Variants in KAZN observed in about 807,000 individuals in gnomAD.
The protein encoded by KAZN is kazrin.
A neutral mutation model predicts 87.4 loss-of-function variants in KAZN; 40 were observed. The ratio of observed to expected loss-of-function variants is 0.46; its 90% CI spans 0.36 to 0.60. KAZN has a LOEUF of 0.60. Among genes scored for constraint, KAZN ranks in the 20% least tolerant of loss-of-function variants. The probability of loss-of-function intolerance (pLI) is 0.00; values close to 1 mark genes in which losing one functional copy is unlikely to be tolerated. For synonymous variants in KAZN, 466 were observed against 458.3 expected (o/e 1.02, Z -0.22); for missense variants, 898 against 1,073.9 (o/e 0.84, Z 2.29).
chr1:14,842,193 T>G (rs1648100401), intron 1 of KAZN, among the ~76,000 whole-genome samples: 1 of 152,230 alleles, frequency 6.6e-6, no homozygotes, highest in South Asian at 2.1e-4. Flanking sequence ...TTTTCATGTT[T>G]TGTTCACTCT....
intron 1 of KAZN, among the ~76,000 whole-genome samples, chr1:13,939,595 C>T (rs12723993): frequency 0.034 from 5,146 of 152,300 alleles, 116 homozygotes; most frequent in Middle Eastern, 0.075. Flanking sequence ...AATCTCTGCC[C>T]GTTACCCAGT....
At chr1:14,693,474 G>C (rs74058795) in intron 1 of KAZN, among the ~76,000 whole-genome samples, 3 of 152,136 alleles carry the variant, frequency 2.0e-5, no homozygotes, top group African/African-American at 7.2e-5. Context: ...AGCTCATGCT[G>C]GACTCGTCTT....
rs1651477402 is a variant in KAZN, at chr1:14,266,424, AT to A, written c.249+85836del. Among the ~76,000 whole-genome samples the A allele has an allele frequency of 2.6e-5, 4 of 152,334 alleles. No individual in the cohort carries two copies. The South Asian group carries it at 8.3e-4, about 32-fold the overall frequency. On this transcript the variant is annotated intron_variant, in intron 2 of 16. Transcript: ENST00000636203. Reference sequence around the variant, plus strand: ...ACATTGATGATGTATATGGAAACTAATTTTACCACACGCTAATTGATACAAA... The same window carrying A: ...ACATTGATGATGTATATGGAAACTAATTTACCACACGCTAATTGATACAAA...
chr1:14,289,946 G>A lies in KAZN; in HGVS notation c.249+109354G>A, dbSNP rs189213798. Among the ~76,000 whole-genome samples the A allele has an allele frequency of 1.4e-3, 209 of 152,258 alleles. 1 individual carries two copies. Among genetic ancestry groups the A allele is most frequent in the Non-Finnish European group, 2.2e-3 (148 of 68,026 alleles). On this transcript the variant is annotated intron_variant, in intron 2 of 16. Transcript: ENST00000636203. ...CTCCTTCACTTATGAAGCTTAGTTTGGCTGGATATGAAATTCTGGATTGAA... is the reference window on the plus strand; with the variant it reads ...CTCCTTCACTTATGAAGCTTAGTTTAGCTGGATATGAAATTCTGGATTGAA...
intron 1 of KAZN, among the ~76,000 whole-genome samples, chr1:14,101,574 G>A (rs901395557): frequency 6.6e-6 from 1 of 152,170 alleles, no homozygotes; most frequent in African/African-American, 2.4e-5. Context: ...AAGTGAAGGT[G>A]TCGTGGATCA....
At chr1:14,061,718 C>T (rs1005643013) in intron 1 of KAZN, among the ~76,000 whole-genome samples, 2 of 152,188 alleles carry the variant, frequency 1.3e-5, no homozygotes, top group South Asian at 4.1e-4. Flanking sequence ...TAGCCCTGTG[C>T]TTGGTATACA....
chr1:14,581,625 G>T (rs1187361151), intron 2 of KAZN, among the ~76,000 whole-genome samples: 1 of 152,112 alleles, frequency 6.6e-6, no homozygotes, highest in Non-Finnish European at 1.5e-5. Context: ...GTCCCTACAA[G>T]ACCTCACAGT....
At chr1:14,951,275 C>T (rs1662451168) in intron 1 of KAZN, among the ~76,000 whole-genome samples, 1 of 152,100 alleles carries the variant, frequency 6.6e-6, no homozygotes, top group Admixed American at 6.5e-5. Flanking sequence ...GCAGTGGGCT[C>T]TGCCGGCCTC....
intron 1 of KAZN, among the ~76,000 whole-genome samples, chr1:14,666,174 C>A (rs547854485): frequency 6.6e-6 from 1 of 151,776 alleles, no homozygotes; most frequent in Non-Finnish European, 1.5e-5. Context: ...GCCGTCTCAG[C>A]GAGGATCTGT....
intron 1 of KAZN, among the ~76,000 whole-genome samples, chr1:14,752,428 A>T (rs1644438599): frequency 6.6e-6 from 1 of 152,230 alleles, no homozygotes; most frequent in Admixed American, 6.5e-5. Context: ...GCTACAAAAC[A>T]AAATACCTGA....
intron 2 of KAZN, chr1:14,304,661 C>G (rs902718271): frequency 1.3e-5 from 5 of 398,334 alleles, no homozygotes; most frequent in African/African-American, 2.1e-5. Context: ...GCTTCTGAAA[C>G]CGGTGAGCTT....
intron 1 of KAZN, among the ~76,000 whole-genome samples, chr1:13,904,890 G>C (rs1242083178): frequency 6.6e-6 from 1 of 152,046 alleles, no homozygotes; most frequent in East Asian, 1.9e-4. Flanking sequence ...ATTCCTTTGT[G>C]ACTTGTGTTA....
intron 1 of KAZN, among the ~76,000 whole-genome samples, chr1:14,875,871 C>A (rs926638461): frequency 1.3e-5 from 2 of 152,192 alleles, no homozygotes; most frequent in Admixed American, 1.3e-4. Flanking sequence ...GAATTTCCTG[C>A]TTTCCTGGAA....
At chr1:14,146,705 GAAA>G (rs34508324) in intron 1 of KAZN, among the ~76,000 whole-genome samples, 48,781 of 137,154 alleles carry the variant, frequency 0.36, 8,511 homozygotes, top group Middle Eastern at 0.52. Flanking sequence ...GATCATCTCA[GAAA>G]AAAAAAAAAA....
At position 14,420,817 on chromosome 1, in the gene KAZN, C is replaced by A. The variant is rs542283784; in HGVS notation, c.250-178166C>A. Among the ~76,000 whole-genome samples the A allele has an allele frequency of 1.5e-3, 223 of 152,116 alleles. 2 individuals are homozygous for A. The highest frequency in any genetic ancestry group is 4.4e-3 in the African/African-American group (184 of 41,502). On this transcript the variant is annotated intron_variant, in intron 2 of 16. Coordinates refer to the KAZN transcript ENST00000636203. ...TCCCGAGTGCGGGGCCCACCGAGCCCATCCCACCCAGAACTCAAGCTGGCC... is the reference window on the plus strand; with the variant it reads ...TCCCGAGTGCGGGGCCCACCGAGCCAATCCCACCCAGAACTCAAGCTGGCC...
In KAZN at chr1:15,086,397, A is replaced by G. The variant is rs72639898; in HGVS notation, c.1223-7783A>G. On this transcript the variant is annotated intron_variant, in intron 8 of 14. Transcript: ENST00000376030. ...GTCAAAGCGCTAAAACAAAAGGCAA[A>G]CTCTCAACCTAAAACCGTGTTCCCA... is the stretch of plus-strand genomic sequence containing the variant. 9.8e-3 allele frequency among the ~76,000 whole-genome samples: 1,490 copies of G among 152,264 alleles called. 41 individuals are homozygous for G. Among genetic ancestry groups the G allele is most frequent in the East Asian group, 0.085 (441 of 5,184 alleles).
chr1:14,729,593 A>G (rs1643581265), intron 1 of KAZN, among the ~76,000 whole-genome samples: 1 of 152,202 alleles, frequency 6.6e-6, no homozygotes, highest in South Asian at 2.1e-4. Context: ...GGTCACAAAC[A>G]GTGTCTCGAG....
intron 1 of KAZN, among the ~76,000 whole-genome samples, chr1:14,070,084 G>A (rs545324060): frequency 3.2e-4 from 47 of 147,574 alleles, no homozygotes; most frequent in Non-Finnish European, 4.1e-4. Flanking sequence ...CAGGAGAATC[G>A]CTTGAACCTG....
At chr1:14,635,426 A>G (rs544251902) in intron 1 of KAZN, among the ~76,000 whole-genome samples, 290 of 152,346 alleles carry the variant, frequency 1.9e-3, no homozygotes, top group Middle Eastern at 3.4e-3. Flanking sequence ...TGCACGGGAT[A>G]GTCCCCTCAT....
Sources: allele counts gnomAD v4.1 joint callset (sites outside exome capture counted in the v4.1 genomes callset), GRCh38; gene constraint gnomAD v4.1.1; transcripts MANE v1.5; gene names NCBI Gene and HGNC (gene_info 2026-07-23, HGNC 2026-07-21).